TTC39B: variants seen among roughly 807,000 people sequenced by gnomAD.
The protein encoded by TTC39B is tetratricopeptide repeat domain 39B.
In TTC39B, 92 loss-of-function variants were observed where a neutral mutation model predicts 96.6. The observed-to-expected ratio is 0.95, with a 90% CI of 0.80 to 1.13. The LOEUF is 1.13. Ranked by LOEUF, TTC39B falls within the 50% of genes most tolerant of loss-of-function variation. The pLI is 0.00. For synonymous variants in TTC39B, 367 were observed against 299.4 expected, an observed-to-expected ratio of 1.23 and a Z score of -2.33; for missense variants, 955 against 809.3, an observed-to-expected ratio of 1.18 and a Z score of -2.18.
chr9:15,219,829 T>C (rs1007446218), intron 3 of TTC39B, among the ~76,000 whole-genome samples: 3 of 152,136 alleles, frequency 2.0e-5, no homozygotes, highest in Non-Finnish European at 2.9e-5. Context: ...AGTGAGCTAG[T>C]AGGGCAGGCT....
chr9:15,189,688 T>C (rs1337019745), intron 12 of TTC39B, 37 bp downstream of exon 12: 2 of 1,614,026 alleles, frequency 1.2e-6, no homozygotes, highest in East Asian at 2.2e-5. Flanking sequence ...GCTGATTAAT[T>C]ATGGTTGAAA....
At chr9:15,299,658 C>A (rs1328249317) in intron 1 of TTC39B, among the ~76,000 whole-genome samples, 1 of 152,124 alleles carries the variant, frequency 6.6e-6, no homozygotes, top group African/African-American at 2.4e-5. Context: ...GAAGTGAATA[C>A]AAAGTAACTT....
At position 15,302,996 on chromosome 9, in the gene TTC39B, C is replaced by T. The variant is rs185755373; in HGVS notation, c.240+4088G>A. Among the ~76,000 whole-genome samples, 91 of 152,104 alleles carry T rather than the reference C, an allele frequency of 6.0e-4. 1 individual carries two copies. Among genetic ancestry groups the T allele is most frequent in the Non-Finnish European group, 3.5e-4 (24 of 68,000 alleles). On this transcript the variant is annotated intron_variant, in intron 1 of 19. Coordinates refer to ENST00000512701, the Ensembl canonical transcript of TTC39B. ...CATCCTGGCCAACATGGTGAAACCC[C>T]GTCTCTACTAAAAATACAAAAATTA...
intron 7 of TTC39B, among the ~76,000 whole-genome samples, chr9:15,202,946 T>G (rs1819628673): frequency 6.6e-6 from 1 of 152,008 alleles, no homozygotes; most frequent in African/African-American, 2.4e-5. Context: ...GAGGTGAAAT[T>G]AAAATGGATC....
chr9:15,216,120 T>A (rs1820502710), intron 3 of TTC39B, among the ~76,000 whole-genome samples: 1 of 152,174 alleles, frequency 6.6e-6, no homozygotes, highest in African/African-American at 2.4e-5. Flanking sequence ...GCTGACCCCA[T>A]CCCATCCTGT....
chr9:15,279,558 A>G (rs954124465), intron 1 of TTC39B, among the ~76,000 whole-genome samples: 1 of 152,152 alleles, frequency 6.6e-6, no homozygotes, highest in Admixed American at 6.5e-5. Flanking sequence ...TTCCCATGTC[A>G]CTCAGCTGTC....
intron 15 of TTC39B, among the ~76,000 whole-genome samples, chr9:15,186,360 T>C (rs1588859976): frequency 6.6e-6 from 1 of 152,188 alleles, no homozygotes. Flanking sequence ...GGAACCCTTG[T>C]AGTTTAAAGG....
chr9:15,267,638 G>A (rs919938382), intron 2 of TTC39B, among the ~76,000 whole-genome samples: 3 of 152,086 alleles, frequency 2.0e-5, no homozygotes, highest in African/African-American at 7.2e-5. Context: ...ACATAAATAT[G>A]AACAACTATT....
At chr9:15,173,931 A>G (rs946322916) in intron 19 of TTC39B, among the ~76,000 whole-genome samples, 11 of 152,156 alleles carry the variant, frequency 7.2e-5, no homozygotes, top group South Asian at 2.1e-4. Context: ...AGAAAGCATC[A>G]TCATTGACCC....
chr9:15,167,003 TATATATA>T (rs1817534837), exon 20 of TTC39B: 1 of 8,470 alleles, frequency 1.2e-4, no homozygotes, highest in East Asian at 6.7e-3. Flanking sequence ...TATATATATA[TATATATA>T]TATATATATA....
At position 15,214,308 on chromosome 9, in the gene TTC39B, C is replaced by G. The variant is rs960132747; in HGVS notation, c.372-59G>C. On this transcript the variant is annotated intron_variant, in intron 3 of 19. Transcript: ENST00000512701. ...ATAGCTTTACGATCAGCAAGTTGTCCGAAGGGAGTGTGTGTGTGTGTGTGT... is the reference window on the plus strand; with the variant it reads ...ATAGCTTTACGATCAGCAAGTTGTCGGAAGGGAGTGTGTGTGTGTGTGTGT... 15 of 1,165,222 alleles carry G rather than the reference C, an allele frequency of 1.3e-5. No individual in the cohort carries two copies. The African/African-American group carries it at 2.5e-4, about 19-fold the overall frequency. The allele number at this position is 1,165,222 out of a possible 1,614,324, so 72.2% of individuals were successfully genotyped here.
At chr9:15,265,856 C>T (rs1041074170) in intron 2 of TTC39B, among the ~76,000 whole-genome samples, 1 of 152,112 alleles carries the variant, frequency 6.6e-6, no homozygotes, top group Non-Finnish European at 1.5e-5. Flanking sequence ...ACAGACCAAT[C>T]TCAATTAAGG....
intron 7 of TTC39B, among the ~76,000 whole-genome samples, chr9:15,201,835 T>C (rs1214601160): frequency 6.6e-6 from 1 of 152,164 alleles, no homozygotes; most frequent in East Asian, 1.9e-4. Flanking sequence ...GACATTCTGA[T>C]ACAGAATACT....
At chr9:15,271,401 G>T (rs1009354419) in intron 1 of TTC39B, among the ~76,000 whole-genome samples, 1 of 152,142 alleles carries the variant, frequency 6.6e-6, no homozygotes, top group Non-Finnish European at 1.5e-5. Context: ...TGGCACCAGG[G>T]ACTGGTTTCA....
At chr9:15,282,988 C>T (rs772629114) in intron 1 of TTC39B, among the ~76,000 whole-genome samples, 5 of 152,128 alleles carry the variant, frequency 3.3e-5, no homozygotes, top group African/African-American at 7.2e-5. Flanking sequence ...TTCTTCACAC[C>T]GTATTTCTCA....
At chr9:15,167,306 C>A (rs1483644014) in exon 20 of TTC39B, 1 of 143,672 alleles carries the variant, frequency 7.0e-6, no homozygotes, top group Non-Finnish European at 1.5e-5. Flanking sequence ...CTTTGGCTTC[C>A]CAAAGTTTTA....
At chr9:15,300,299 C>T (rs899240922) in intron 1 of TTC39B, among the ~76,000 whole-genome samples, 1 of 152,166 alleles carries the variant, frequency 6.6e-6, no homozygotes, top group African/African-American at 2.4e-5. Context: ...CCCAGCCACA[C>T]AAGGAACCCA....
intron 2 of TTC39B, among the ~76,000 whole-genome samples, chr9:15,244,857 C>T (rs1264105253): frequency 6.6e-6 from 1 of 152,154 alleles, no homozygotes; most frequent in Non-Finnish European, 1.5e-5. Context: ...AATATCACCA[C>T]CTAAAACAAA....
chr9:15,243,226 T>G (rs557273242), intron 2 of TTC39B, among the ~76,000 whole-genome samples: 5 of 152,200 alleles, frequency 3.3e-5, no homozygotes, highest in Non-Finnish European at 7.3e-5. Context: ...AGTTTTTACT[T>G]AACTGGGCAT....
Sources: gnomAD v4.1 joint callset for allele counts (sites outside exome capture counted in the v4.1 genomes callset) on GRCh38, gnomAD v4.1.1 for gene constraint, MANE v1.5 for transcripts, NCBI Gene and HGNC (gene_info 2026-07-23, HGNC 2026-07-21) for gene names.